TRAK2: variants seen among roughly 807,000 people sequenced by gnomAD.
TRAK2 encodes the protein trafficking kinesin-binding protein 2.
Under a neutral mutation model 104.6 loss-of-function variants are expected in TRAK2, and 81 were observed. That is an observed-to-expected ratio of 0.77 (90% CI 0.65 to 0.93). The LOEUF (loss-of-function observed/expected upper bound fraction) is 0.93, where lower values mean the gene tolerates loss of function less well. TRAK2 is among the 40% of genes least tolerant of loss of function. The probability of loss-of-function intolerance (pLI) is 0.00; values close to 1 mark genes in which losing one functional copy is unlikely to be tolerated. For synonymous variants in TRAK2, 406 were observed against 394.4 expected (o/e 1.03, Z -0.35); for missense variants, 1,002 against 1,089.0 (o/e 0.92, Z 1.12).
chr2:201,402,952 G>T (rs1436468018), intron 3 of TRAK2, among the ~76,000 whole-genome samples: 1 of 152,134 alleles, frequency 6.6e-6, no homozygotes, highest in East Asian at 1.9e-4. Context: ...CAAAAATCAG[G>T]CATCCTATAG....
chr2:201,424,581 G>GT (rs113403500), intron 1 of TRAK2, among the ~76,000 whole-genome samples: 1,861 of 150,746 alleles, frequency 0.012, 35 homozygotes, highest in African/African-American at 0.039. Context: ...CTTGCCACCT[G>GT]TTTTTTTTGT....
chr2:201,449,654 T>C (rs896898846), intron 1 of TRAK2, among the ~76,000 whole-genome samples: 1 of 150,826 alleles, frequency 6.6e-6, no homozygotes, highest in African/African-American at 2.4e-5. Flanking sequence ...CTGGCTAATT[T>C]TTTTTTTTTT....
chr2:201,393,493 T>G (rs1031561686), intron 9 of TRAK2, among the ~76,000 whole-genome samples: 1 of 152,152 alleles, frequency 6.6e-6, no homozygotes, highest in Non-Finnish European at 1.5e-5. Context: ...CCTAAACAAG[T>G]AGATCTTCGT....
At chr2:201,387,681 AG>A in intron 13 of TRAK2, 21 bp downstream of exon 13, 1 of 1,547,736 alleles carries the variant, frequency 6.5e-7, no homozygotes. Flanking sequence ...TGGCTTAGTA[AG>A]GGCCCTTACT....
At chr2:201,405,147 G>A (rs1030522155) in intron 3 of TRAK2, among the ~76,000 whole-genome samples, 7 of 152,160 alleles carry the variant, frequency 4.6e-5, no homozygotes, top group African/African-American at 1.4e-4. Flanking sequence ...TTGTGGAACC[G>A]AAGGAGAGAG....
chr2:201,399,442 G>T lies in TRAK2; in HGVS notation c.415C>A (p.Arg139=), dbSNP rs77033634. ...TTCTGCTCAGATAAGACATGGTTCC[G>T]CTTTAAGAGAGCTTGTCCAATTCGA... The part of the protein sequence containing the change: ...AARIGQALLK[R]NHVLSEQNES... The change falls in exon 5 of 16, where the codon CGG becomes AGG. Residue 139 remains arginine, a synonymous_variant. Transcript: ENST00000332624. 2,885 of 1,612,660 alleles carry T rather than the reference G, an allele frequency of 1.8e-3. 41 individuals carry two copies. In the African/African-American group the frequency reaches 0.03, roughly 17 times the overall value.
chr2:201,425,234 C>A (rs1951777774), intron 1 of TRAK2, among the ~76,000 whole-genome samples: 1 of 152,158 alleles, frequency 6.6e-6, no homozygotes, highest in Non-Finnish European at 1.5e-5. Flanking sequence ...CTACCTAAAT[C>A]AAAGATTTCC....
At chr2:201,398,470 C>T in intron 5 of TRAK2, 116 bp from the exon 6 acceptor site, 1 of 1,003,778 alleles carries the variant, frequency 1.0e-6, no homozygotes, top group Non-Finnish European at 1.4e-6. Context: ...ACAAAATCAG[C>T]TGCTAGGTTT....
intron 1 of TRAK2, among the ~76,000 whole-genome samples, chr2:201,438,325 G>T (rs1951893980): frequency 6.6e-6 from 1 of 152,172 alleles, no homozygotes; most frequent in Admixed American, 6.5e-5. Flanking sequence ...AAAGAAATAT[G>T]TTCTCAATTC....
intron 9 of TRAK2, among the ~76,000 whole-genome samples, chr2:201,393,964 G>A (rs559027122): frequency 2.8e-4 from 42 of 152,244 alleles, no homozygotes; most frequent in Non-Finnish European, 5.0e-4. Context: ...TGTACAGGCT[G>A]GTCTCAAATT....
chr2:201,439,462 T>C (rs1951902527), intron 1 of TRAK2, among the ~76,000 whole-genome samples: 9 of 151,896 alleles, frequency 5.9e-5, no homozygotes. Context: ...CCTCCTGAAG[T>C]TAACACATGA....
chr2:201,438,629 G>A (rs112258328), intron 1 of TRAK2, among the ~76,000 whole-genome samples: 5 of 152,296 alleles, frequency 3.3e-5, no homozygotes, highest in Admixed American at 1.3e-4. Context: ...TAGTGTGTGT[G>A]TAGTTTGCAA....
intron 7 of TRAK2, among the ~76,000 whole-genome samples, chr2:201,396,467 C>T (rs918899838): frequency 3.3e-5 from 5 of 152,124 alleles, no homozygotes; most frequent in Admixed American, 1.3e-4. Flanking sequence ...ATACATTCCA[C>T]GACCTGCAGT....
At chr2:201,410,616 G>A (rs1013924977) in intron 2 of TRAK2, 87 of 1,291,478 alleles carry the variant, frequency 6.7e-5, no homozygotes, top group Non-Finnish European at 9.7e-5. Context: ...GCTATGCAAA[G>A]TTCTGTGGGT....
chr2:201,393,115 C>A, intron 9 of TRAK2, 69 bp from the exon 10 acceptor site: 1 of 1,489,750 alleles, frequency 6.7e-7, no homozygotes, highest in Non-Finnish European at 9.0e-7. Context: ...AAACCCGAAA[C>A]CTTTTGGGAT....
At position 201,380,740 on chromosome 2, in the gene TRAK2, G is replaced by A. The variant is rs765938666; in HGVS notation, c.2548C>T (p.Pro850Ser). 8.1e-6 allele frequency: 13 copies of A among 1,614,032 alleles called. No homozygotes were observed. Among genetic ancestry groups the A allele is most frequent in the Non-Finnish European group, 1.1e-5 (13 of 1,179,984 alleles). The change falls in exon 16 of 16, where the codon CCT becomes TCT. Residue 850 changes from proline (P) to serine (S), a missense_variant. Pro to Ser is a moderately conservative substitution (Grantham distance 74). Coordinates refer to ENST00000332624, the MANE Select transcript of TRAK2 (RefSeq NM_015049.3). ...CATCTTCCATTCTCTTGGGCACCAG[G>A]GTTCTTGACCACTCTGGCTATCCCC... ...RLGIARVVKN[P>S]GAQENGRCQE...
In TRAK2 at chr2:201,395,458, A is replaced by G. The variant is rs758843035; in HGVS notation, c.770-14T>C. The stretch of plus-strand genomic sequence containing the variant: ...CATTTGTTTCACCTTGGAAGCAAAA[A>G]AAATTTTTTTAAATTAATACAAATG... On this transcript the variant is annotated splice_polypyrimidine_tract_variant and intron_variant, in intron 7 of 15. Transcript: ENST00000332624. 1.3e-6 allele frequency: 2 copies of G among 1,503,474 alleles called. No individual in the cohort carries two copies. Among genetic ancestry groups the G allele is most frequent in the Non-Finnish European group, 1.8e-6 (2 of 1,115,014 alleles). The allele number at this position is 1,503,474 out of a possible 1,614,324, so 93.1% of individuals were successfully genotyped here.
chr2:201,420,642 GA>G lies in TRAK2; in HGVS notation c.-136del. The G allele has an allele frequency of 1.5e-6, 1 of 686,822 alleles. No individual in the cohort carries two copies. The highest frequency in any genetic ancestry group is 2.5e-6 in the Non-Finnish European group (1 of 397,494). The allele number at this position is 686,822 out of a possible 1,614,324, so 42.5% of individuals were successfully genotyped here. A position where few individuals can be genotyped will look rare whatever the true frequency, so the allele number is the denominator to read the frequency against. On this transcript the variant is annotated 5_prime_UTR_variant, in exon 2 of 16. The change creates a premature stop within an existing upstream ORF in the 5' untranslated region. Coordinates refer to ENST00000332624, the MANE Select transcript of TRAK2 (RefSeq NM_015049.3). ...TTCTTTTAGACAGATTTTCTCTGAT[GA>G]GTCAAATGACATCCGTAGCAACGAG...
At chr2:201,416,927 A>G (rs1481812198) in intron 2 of TRAK2, among the ~76,000 whole-genome samples, 1 of 152,106 alleles carries the variant, frequency 6.6e-6, no homozygotes, top group Non-Finnish European at 1.5e-5. Context: ...ATAGGAGTAC[A>G]GTAGACTCAA....
Sources: allele counts gnomAD v4.1 joint callset (sites outside exome capture counted in the v4.1 genomes callset), GRCh38; gene constraint gnomAD v4.1.1; transcripts MANE v1.5; gene names NCBI Gene and HGNC (gene_info 2026-07-23, HGNC 2026-07-21).